Variants in ATF6B observed in about 807,000 individuals in gnomAD.
The protein encoded by ATF6B is activating transcription factor 6 beta, also known as cyclic AMP-dependent transcription factor ATF-6 beta.
In ATF6B, 50 loss-of-function variants were observed where a neutral mutation model predicts 83.5. The ratio of observed to expected loss-of-function variants is 0.60; its 90% CI spans 0.48 to 0.76. ATF6B has a LOEUF of 0.76. ATF6B is among the 30% of genes least tolerant of loss of function. ATF6B has a pLI of 0.00. For missense variants in ATF6B, 790 were observed against 893.8 expected (o/e 0.88, Z 1.48); for synonymous variants, 344 against 362.8 (o/e 0.95, Z 0.59).
Position 32,119,924 on chromosome 6 carries a change from C to A in ATF6B, c.866G>T (p.Arg289Leu). Residue 289 changes from arginine (R) to leucine (L), a missense_variant, in exon 9 of 18, where the codon CGA becomes CTA. Transcript: ENST00000375203. The surrounding 1 kb of genome is among the most constrained non-coding windows in gnomAD (Gnocchi z 4.9). ...GGGAGCCGGCCCTTCAGGCTGGACT[C>A]GAATAGCACCCTGGATGAGGACAAC... is the stretch of plus-strand genomic sequence containing the variant. ...SPVVLIQGAI[R>L]VQPEGPAPSL... 6.2e-7 allele frequency: 1 copy of A among 1,614,092 alleles called. No homozygotes were observed. The highest frequency in any genetic ancestry group is 8.5e-7 in the Non-Finnish European group (1 of 1,180,010).
At position 32,127,165 on chromosome 6, in the gene ATF6B, G is replaced by C. The variant is rs1782014944; in HGVS notation, c.280C>G (p.Pro94Ala). The C allele has an allele frequency of 6.2e-7, 1 of 1,612,034 alleles. No homozygotes were observed. The highest frequency in any genetic ancestry group is 1.3e-5 in the African/African-American group (1 of 74,886). ...GAGCTGAGGGAGGAGGAAGAGCAGGGGGAAGATGGCTCAGACTTCACCTGA... is the reference window on the plus strand; with the variant it reads ...GAGCTGAGGGAGGAGGAAGAGCAGGCGGAAGATGGCTCAGACTTCACCTGA... ...DLQVKSEPSS[P>A]CSSSSLSSES... is the part of the protein sequence containing the mutation. The change falls in exon 4 of 18, where the codon CCC becomes GCC. Residue 94 changes from proline to alanine, a missense_variant. By Grantham distance (27) the Pro-to-Ala change is conservative (BLOSUM62 -1). Around this residue, in one of 3 missense-constraint regions of ATF6B, gnomAD observed 253 missense variants for 243.1 expected, o/e 1.04. Transcript: ENST00000375203.
At chr6:32,128,093 C>G in intron 1 of ATF6B, 24 bp downstream of exon 1, 1 of 1,612,090 alleles carries the variant, frequency 6.2e-7, no homozygotes, top group Non-Finnish European at 8.5e-7. Context: ...TTGCCACAGC[C>G]CTCTCCCCTC....
At position 32,125,499 on chromosome 6, in the gene ATF6B, C is replaced by T. The variant is rs1380236742; in HGVS notation, c.478+618G>A. ...TTTATGGGCTGGGCGCGATGGCTCA[C>T]GCCTGTAATCTCAGCACTTTGGGAG... On this transcript the variant is annotated intron_variant, in intron 5 of 17. Transcript: ENST00000375203. The surrounding 1 kb of genome is among the most constrained non-coding windows in gnomAD (Gnocchi z 4.1). 3.3e-5 allele frequency among the ~76,000 whole-genome samples: 5 copies of T among 152,152 alleles called. No homozygotes were observed. The highest frequency in any genetic ancestry group is 1.2e-4 in the African/African-American group (5 of 41,430).
Position 32,118,436 on chromosome 6 carries a change from A to G in ATF6B, c.1244+339T>C, listed in dbSNP as rs1201463167. On this transcript the variant is annotated intron_variant, in intron 11 of 17. Coordinates refer to ENST00000375203, the MANE Select transcript of ATF6B (RefSeq NM_004381.5). This position sits in a 1 kb window ranked among gnomAD's most constrained non-coding sequence, Gnocchi z 5.2. The stretch of plus-strand genomic sequence containing the variant: ...CAGTGAAACCCTGTCTCTACTAAAA[A>G]ATACAAAAAATTAGCCGGGCATGGT... Among the ~76,000 whole-genome samples the G allele has an allele frequency of 2.0e-5, 3 of 152,176 alleles. No homozygotes were observed. Among genetic ancestry groups the G allele is most frequent in the Non-Finnish European group, 4.4e-5 (3 of 68,032 alleles).
rs779594063 is a variant in ATF6B, at chr6:32,117,283, G to C, written c.1614+40C>G. On this transcript the variant is annotated intron_variant, in intron 14 of 17. Coordinates refer to ENST00000375203, the MANE Select transcript of ATF6B (RefSeq NM_004381.5). The surrounding 1 kb of genome is among the most constrained non-coding windows in gnomAD (Gnocchi z 5.0). ...TCCCCAGACAAGGCCTTTAGCCCTTGTCTTCAAGTGGCCTTCCTTGAACCA... is the reference window on the plus strand; with the variant it reads ...TCCCCAGACAAGGCCTTTAGCCCTTCTCTTCAAGTGGCCTTCCTTGAACCA... The C allele has an allele frequency of 2.5e-6, 4 of 1,601,940 alleles. No individual in the cohort carries two copies. The highest frequency in any genetic ancestry group is 1.1e-5 in the South Asian group (1 of 90,078).
intron 1 of ATF6B, 164 bp from the exon 2 acceptor site, chr6:32,127,914 C>G (rs1424118140): frequency 3.0e-6 from 3 of 1,005,820 alleles, no homozygotes; most frequent in Non-Finnish European, 2.9e-6. Flanking sequence ...TTCCCCGACC[C>G]CGGAACAACT....
rs772362048 is a variant in ATF6B at position 32,117,695 on chromosome 6, C to A, written c.1425-1G>T. ...GCCCCCAGGGAAGGCTGTCAGGTTG[C>A]TGGAGTGAAGCAGGAAGGAGACAAC... is the stretch of plus-strand genomic sequence containing the variant. On this transcript the variant is annotated splice_acceptor_variant, in intron 12 of 17. Coordinates refer to ENST00000375203, the MANE Select transcript of ATF6B (RefSeq NM_004381.5). LOFTEE classifies it high-confidence loss of function. The surrounding 1 kb of genome is among the most constrained non-coding windows in gnomAD (Gnocchi z 5.0). The A allele has an allele frequency of 2.5e-6, 4 of 1,613,732 alleles. No homozygotes were observed. Among genetic ancestry groups the A allele is most frequent in the Admixed American group, 1.7e-5 (1 of 59,952 alleles).
chr6:32,118,140 G>GTT lies in ATF6B; in HGVS notation c.1245-104_1245-103dup. On this transcript the variant is annotated intron_variant, in intron 11 of 17. Transcript: ENST00000375203. This position sits in a 1 kb window ranked among gnomAD's most constrained non-coding sequence, Gnocchi z 5.2. ...AGATGGACTGCTTGAGTTGCAATCT[G>GTT]TTATACAAGCCTGAGTCTGCCTCTG... is the stretch of plus-strand genomic sequence containing the variant. The GTT allele has an allele frequency of 7.1e-7, 1 of 1,413,498 alleles. No individual in the cohort carries two copies. The highest frequency in any genetic ancestry group is 9.8e-7 in the Non-Finnish European group (1 of 1,017,892). 87.6% of individuals were successfully genotyped at this position (1,413,498 alleles called of 1,614,324 possible).
intron 4 of ATF6B, 93 bp downstream of exon 4, chr6:32,127,010 C>G: frequency 8.3e-7 from 1 of 1,200,538 alleles, no homozygotes; most frequent in Non-Finnish European, 1.1e-6. Context: ...TCATAGCACA[C>G]AAATCATTTA....
Position 32,118,925 on chromosome 6 carries a change from T to C in ATF6B, c.1152+31A>G. On this transcript the variant is annotated intron_variant, in intron 10 of 17. Coordinates refer to ENST00000375203, the MANE Select transcript of ATF6B (RefSeq NM_004381.5). This position sits in a 1 kb window ranked among gnomAD's most constrained non-coding sequence, Gnocchi z 5.2. ...AATCATTCCAAGGAGGCTGTATTCC[T>C]GTTGGTCTCCCAGGGACAGACTGGT... 2 of 1,614,142 alleles carry C rather than the reference T, an allele frequency of 1.2e-6. No homozygotes were observed. The highest frequency in any genetic ancestry group is 1.7e-6 in the Non-Finnish European group (2 of 1,180,020).
In ATF6B at chr6:32,116,967, C is replaced by T; in HGVS notation, c.1685+70G>A. ...GGTGACAGTAATGACAGGCACAGGA[C>T]AGCTACTGGGGGTACAGCTCTTGAA... is the stretch of plus-strand genomic sequence containing the variant. On this transcript the variant is annotated intron_variant, in intron 15 of 17. Coordinates refer to ENST00000375203, the MANE Select transcript of ATF6B (RefSeq NM_004381.5). This position sits in a 1 kb window ranked among gnomAD's most constrained non-coding sequence, Gnocchi z 5.1. The T allele has an allele frequency of 1.3e-6, 2 of 1,564,580 alleles. No individual in the cohort carries two copies. Among genetic ancestry groups the T allele is most frequent in the Non-Finnish European group, 1.8e-6 (2 of 1,136,968 alleles).
rs748248151 is a variant in ATF6B at position 32,118,095 on chromosome 6, G to A, written c.1245-57C>T. 7.6e-5 allele frequency: 122 copies of A among 1,604,186 alleles called. No homozygotes were observed. The highest frequency in any genetic ancestry group is 9.7e-5 in the Non-Finnish European group (114 of 1,172,602). The stretch of plus-strand genomic sequence containing the variant: ...GAATTTCAGCTGTATCAAGTATCTA[G>A]GTAAGAATAAAGACTCTGCAGATGG... On this transcript the variant is annotated intron_variant, in intron 11 of 17. Transcript: ENST00000375203. This position sits in a 1 kb window ranked among gnomAD's most constrained non-coding sequence, Gnocchi z 5.2.
At chr6:32,122,683 C>T (rs1157947910) in intron 5 of ATF6B, among the ~76,000 whole-genome samples, 5 of 151,198 alleles carry the variant, frequency 3.3e-5, no homozygotes, top group Admixed American at 3.3e-4. Context: ...CCCGTCTCTA[C>T]TAAAAAAATA....
In ATF6B at chr6:32,120,991, G is replaced by A. The variant is rs772367910; in HGVS notation, c.698C>T (p.Ser233Leu). 2 of 1,522,140 alleles carry A rather than the reference G, an allele frequency of 1.3e-6. No individual in the cohort carries two copies. The highest frequency in any genetic ancestry group is 4.5e-5 in the Admixed American group (2 of 44,820). The allele number at this position is 1,522,140 out of a possible 1,614,324, so 94.3% of individuals were successfully genotyped here. ...CAAGTGTCAGGAGACTCCATTACCT[G>A]AGGAGCCATCAAGGGATGGGCCCAT... ...ISMGPSLDGSSGKALPTRKPP... is the reference protein window; with the variant it reads ...ISMGPSLDGSLGKALPTRKPP... Residue 233 changes from serine to leucine, a missense_variant and splice_region_variant, in exon 7 of 18, where the codon TCA (serine) becomes TTA (leucine). Physicochemically the swap from Ser to Leu is moderately radical, Grantham distance 145. Transcript: ENST00000375203.
At position 32,117,337 on chromosome 6, in the gene ATF6B, C is replaced by T; in HGVS notation, c.1600G>A (p.Ala534Thr). The T allele has an allele frequency of 6.2e-7, 1 of 1,613,980 alleles. No homozygotes were observed. The highest frequency in any genetic ancestry group is 1.3e-5 in the African/African-American group (1 of 75,034). ...QRGRRKIPQR[A>T]QERQKSQPRK... ...ACCCGCCCTACCTGTCTCTCCTGGG[C>T]CCTCTGAGGGATCTTCCTCCGGCCT... is the stretch of plus-strand genomic sequence containing the variant. The change falls in exon 14 of 18, where the codon GCC (alanine) becomes ACC (threonine). Residue 534 changes from alanine (A) to threonine (T), a missense_variant. Physicochemically the swap from Ala to Thr is moderately conservative, Grantham distance 58 (BLOSUM62 0). Transcript: ENST00000375203. This position sits in a 1 kb window ranked among gnomAD's most constrained non-coding sequence, Gnocchi z 5.0.
chr6:32,124,797 G>A (rs1247777963), intron 5 of ATF6B, among the ~76,000 whole-genome samples: 2 of 151,696 alleles, frequency 1.3e-5, no homozygotes. Context: ...CAGATTCAGC[G>A]CCAATGTGGA....
At position 32,116,510 on chromosome 6, in the gene ATF6B, A is replaced by C; in HGVS notation, c.1852T>G (p.Ser618Ala). The C allele has an allele frequency of 1.2e-6, 2 of 1,607,358 alleles. No individual in the cohort carries two copies. Among genetic ancestry groups the C allele is most frequent in the Middle Eastern group, 1.7e-4 (1 of 6,012 alleles). Residue 618 changes from serine (S) to alanine (A), a missense_variant, in exon 17 of 18, where the codon TCC becomes GCC. Physicochemically the swap from Ser to Ala is moderately conservative, Grantham distance 99. This residue lies in a region of ATF6B where 530 missense variants were observed against 632.6 expected (regional missense o/e 0.84). Coordinates refer to ENST00000375203, the MANE Select transcript of ATF6B (RefSeq NM_004381.5). The surrounding 1 kb of genome is among the most constrained non-coding windows in gnomAD (Gnocchi z 5.1). Reference protein sequence around the residue: ...SHNKTSRPKMSLVMPAMAPNE... With the variant: ...SHNKTSRPKMALVMPAMAPNE... ...GGGGCCATGGCAGGCATCACCAGGG[A>C]CATCTTGGGCCGGGAGGTCTTGTTG...
In ATF6B at chr6:32,127,224, G is replaced by T. The variant is rs765467217; in HGVS notation, c.251-30C>A. The T allele has an allele frequency of 2.5e-6, 4 of 1,575,290 alleles. 1 individual carries two copies. Among genetic ancestry groups the T allele is most frequent in the Non-Finnish European group, 3.5e-6 (4 of 1,156,276 alleles). ...AGGAAAGGGAGTTAGAAATTATCAGGAAGCAGAGCTTAAGAAGAGTCCAAA... is the reference window on the plus strand; with the variant it reads ...AGGAAAGGGAGTTAGAAATTATCAGTAAGCAGAGCTTAAGAAGAGTCCAAA... On this transcript the variant is annotated intron_variant, in intron 3 of 17. Coordinates refer to ENST00000375203, the MANE Select transcript of ATF6B (RefSeq NM_004381.5).
Position 32,118,720 on chromosome 6 carries a change from A to T in ATF6B, c.1244+55T>A. 6.4e-7 allele frequency: 1 copy of T among 1,558,324 alleles called. No homozygotes were observed. Among genetic ancestry groups the T allele is most frequent in the Non-Finnish European group, 8.8e-7 (1 of 1,130,368 alleles). ...GCCTGGGCCAAAGCAGGCAGCTAGG[A>T]GGCTGTAACGTGGGCTCCACCTGGA... On this transcript the variant is annotated intron_variant, in intron 11 of 17. Coordinates refer to ENST00000375203, the MANE Select transcript of ATF6B (RefSeq NM_004381.5). The surrounding 1 kb of genome is among the most constrained non-coding windows in gnomAD (Gnocchi z 5.2).
Sources: allele counts gnomAD v4.1 joint callset (sites outside exome capture counted in the v4.1 genomes callset), GRCh38; gene constraint gnomAD v4.1.1; regional missense constraint gnomAD v4.1.1; non-coding constraint Gnocchi (gnomAD v3.1); transcripts MANE v1.5; gene names NCBI Gene and HGNC (gene_info 2026-07-23, HGNC 2026-07-21).